Variants in SV2B observed in about 807,000 individuals in gnomAD.
The protein encoded by SV2B is synaptic vesicle glycoprotein 2B, also known as solute carrier family 22 member B2.
Under a neutral mutation model 73.9 loss-of-function variants are expected in SV2B, and 41 were observed. The observed-to-expected ratio is 0.56, with a 90% CI of 0.43 to 0.72. The LOEUF (loss-of-function observed/expected upper bound fraction) is 0.72. SV2B is among the 30% of genes least tolerant of loss of function. SV2B has a pLI of 0.00. For missense variants in SV2B, 764 were observed against 857.8 expected (o/e 0.89, Z 1.37); for synonymous variants, 314 against 314.2 (o/e 1.00, Z 0.01).
chr15:91,178,240 GC>G (rs2044402073), intron 1 of SV2B, among the ~76,000 whole-genome samples: 1 of 151,388 alleles, frequency 6.6e-6, no homozygotes, highest in African/African-American at 2.4e-5. Flanking sequence ...CAGGGATGAA[GC>G]CCACTTGATC....
rs561511839 is a variant in SV2B at position 91,283,714 on chromosome 15, C to T, written c.1508-307C>T. Reference sequence around the variant, plus strand: ...AGTGATCCTCCTACCTCGGCCTCCTCAAGTGCTGGGATTACAGATGTGGGC... The same window carrying T: ...AGTGATCCTCCTACCTCGGCCTCCTTAAGTGCTGGGATTACAGATGTGGGC... On this transcript the variant is annotated intron_variant, in intron 10 of 12. Coordinates refer to ENST00000394232, the MANE Select transcript of SV2B (RefSeq NM_001323032.3). The surrounding 1 kb of genome is among the most constrained non-coding windows in gnomAD (Gnocchi z 4.3). Among the ~76,000 whole-genome samples the T allele has an allele frequency of 1.8e-4, 27 of 152,290 alleles. No homozygotes were observed. In the East Asian group the frequency reaches 2.1e-3, roughly 12 times the overall value.
In SV2B at chr15:91,252,341, CTT is replaced by C. The variant is rs2047520051; in HGVS notation, c.633-26_633-25del. On this transcript the variant is annotated intron_variant, in intron 3 of 12. Coordinates refer to ENST00000394232, the MANE Select transcript of SV2B (RefSeq NM_001323032.3). This position sits in a 1 kb window ranked among gnomAD's most constrained non-coding sequence, Gnocchi z 4.6. ...ACCATTTTTAGTGTATGACTTGATT[CTT>C]TCTCTCTGGCATTTTTCCTTTGCAG... 6.3e-7 allele frequency: 1 copy of C among 1,587,614 alleles called. No individual in the cohort carries two copies. The highest frequency in any genetic ancestry group is 1.7e-5 in the Admixed American group (1 of 57,548).
intron 1 of SV2B, among the ~76,000 whole-genome samples, chr15:91,149,958 G>T (rs943632608): frequency 3.3e-5 from 5 of 152,134 alleles, no homozygotes; most frequent in African/African-American, 1.2e-4. Context: ...ATGTAGCGCT[G>T]ACCCTCTGAT....
At chr15:91,266,225 C>A (rs184856853) in intron 6 of SV2B, among the ~76,000 whole-genome samples, 1 of 152,322 alleles carries the variant, frequency 6.6e-6, no homozygotes, top group East Asian at 1.9e-4. Context: ...AATAGCCAAG[C>A]TGTCTTAGAC....
intron 1 of SV2B, among the ~76,000 whole-genome samples, chr15:91,198,497 GT>G (rs2045340295): frequency 7.0e-6 from 1 of 142,406 alleles, no homozygotes; most frequent in Non-Finnish European, 1.6e-5. Context: ...GTGTGTGTGT[GT>G]AGGTGTGTGT....
At chr15:91,104,735 C>T (rs540046476) in intron 1 of SV2B, among the ~76,000 whole-genome samples, 4 of 152,194 alleles carry the variant, frequency 2.6e-5, no homozygotes, top group Non-Finnish European at 2.9e-5. Context: ...CAGGTTCAAG[C>T]GATTCTTCTG....
chr15:91,286,161 G>A (rs1280743804), intron 11 of SV2B, among the ~76,000 whole-genome samples: 1 of 152,146 alleles, frequency 6.6e-6, no homozygotes, highest in African/African-American at 2.4e-5. Flanking sequence ...TCAATCTTTA[G>A]TAAAAGGCCT....
intron 1 of SV2B, among the ~76,000 whole-genome samples, chr15:91,117,942 T>C (rs531629392): frequency 1.3e-5 from 2 of 152,258 alleles, no homozygotes; most frequent in African/African-American, 4.8e-5. Context: ...AAAAATAAAG[T>C]CTTAGACACT....
chr15:91,266,631 A>G lies in SV2B; in HGVS notation c.1058A>G (p.Gln353Arg). Residue 353 changes from glutamine (Q) to arginine (R), a missense_variant, in exon 7 of 13, where the codon CAA becomes CGA. Gln to Arg is a conservative substitution (Grantham distance 43). Transcript: ENST00000394232. ...PKQMDEFIEI[Q>R]SSTGTWYQRW... ...CAAATGGATGAATTCATTGAGATCC[A>G]AAGTTCAACAGGAACCTGGTACCAG... The G allele has an allele frequency of 6.2e-7, 1 of 1,614,226 alleles. No individual in the cohort carries two copies. Among genetic ancestry groups the G allele is most frequent in the Non-Finnish European group, 8.5e-7 (1 of 1,180,038 alleles).
In SV2B at chr15:91,239,095, G is replaced by C. The variant is rs1020558174; in HGVS notation, c.451+12381G>C. Among the ~76,000 whole-genome samples, 1 of 152,182 alleles carries C rather than the reference G, an allele frequency of 6.6e-6. No individual in the cohort carries two copies. Among genetic ancestry groups the C allele is most frequent in the Non-Finnish European group, 1.5e-5 (1 of 68,040 alleles). ...TATTAGCAGGGATGGAAGAAAGGGG[G>C]TGTGATAGAAGGTCCTGGAAATGTA... On this transcript the variant is annotated intron_variant, in intron 2 of 12. Coordinates refer to ENST00000394232, the MANE Select transcript of SV2B (RefSeq NM_001323032.3). This position sits in a 1 kb window ranked among gnomAD's most constrained non-coding sequence, Gnocchi z 5.1.
Position 91,232,685 on chromosome 15 carries a change from A to G in SV2B, c.451+5971A>G, listed in dbSNP as rs1025533218. Among the ~76,000 whole-genome samples the G allele has an allele frequency of 3.9e-5, 6 of 152,338 alleles. No homozygotes were observed. The South Asian group carries it at 8.3e-4, about 21-fold the overall frequency. ...TTGTTTGAGTGTGACATATTGTTATAGCAGTAGTTCCTTTTGAATTTTTCA... is the reference window on the plus strand; with the variant it reads ...TTGTTTGAGTGTGACATATTGTTATGGCAGTAGTTCCTTTTGAATTTTTCA... On this transcript the variant is annotated intron_variant, in intron 2 of 12. Transcript: ENST00000394232. This position sits in a 1 kb window ranked among gnomAD's most constrained non-coding sequence, Gnocchi z 4.7.
intron 1 of SV2B, among the ~76,000 whole-genome samples, chr15:91,107,886 A>G (rs764109314): frequency 1.3e-5 from 2 of 152,146 alleles, no homozygotes; most frequent in Non-Finnish European, 2.9e-5. Flanking sequence ...GTGGGATTAT[A>G]GGTGTGAGTC....
chr15:91,176,571 A>G (rs982879124), intron 1 of SV2B, among the ~76,000 whole-genome samples: 1 of 152,036 alleles, frequency 6.6e-6, no homozygotes, highest in Non-Finnish European at 1.5e-5. Flanking sequence ...TGACTTTTTA[A>G]TGATCGCCAT....
At chr15:91,272,026 CT>C in intron 9 of SV2B, among the ~76,000 whole-genome samples, 1 of 152,272 alleles carries the variant, frequency 6.6e-6, no homozygotes, top group South Asian at 2.1e-4. Context: ...CTATTGAAAC[CT>C]CAGTTTCATC....
At chr15:91,181,884 G>A (rs2044592498) in intron 1 of SV2B, among the ~76,000 whole-genome samples, 1 of 151,958 alleles carries the variant, frequency 6.6e-6, no homozygotes, top group African/African-American at 2.4e-5. Flanking sequence ...AAACTGAATT[G>A]TATGTCTATG....
At position 91,105,176 on chromosome 15, in the gene SV2B, G is replaced by C. The variant is rs1257962624; in HGVS notation, c.-392+4813G>C. The stretch of plus-strand genomic sequence containing the variant: ...CTCATGAAGCATTCATTCTAGTTGA[G>C]GGAGACAAATAATATGTAAGTAAAT... On this transcript the variant is annotated intron_variant, in intron 1 of 12. Transcript: ENST00000394232. The surrounding 1 kb of genome is among the most constrained non-coding windows in gnomAD (Gnocchi z 5.5). 6.6e-6 allele frequency among the ~76,000 whole-genome samples: 1 copy of C among 152,200 alleles called. No individual in the cohort carries two copies. The highest frequency in any genetic ancestry group is 2.4e-5 in the African/African-American group (1 of 41,444).
rs141705230 is a variant in SV2B, at chr15:91,128,303, G to C, written c.-392+27940G>C. Among the ~76,000 whole-genome samples the C allele has an allele frequency of 2.6e-5, 4 of 152,298 alleles. No homozygotes were observed. Among genetic ancestry groups the C allele is most frequent in the African/African-American group, 9.6e-5 (4 of 41,568 alleles). On this transcript the variant is annotated intron_variant, in intron 1 of 12. Coordinates refer to ENST00000394232, the MANE Select transcript of SV2B (RefSeq NM_001323032.3). The surrounding 1 kb of genome is among the most constrained non-coding windows in gnomAD (Gnocchi z 4.2). ...CAGGAGGAGGTGTCAGAATGTAAAA[G>C]CTGTTCTGTTCTTTCCTTGACAATT...
chr15:91,168,156 C>G lies in SV2B; in HGVS notation c.-391-57717C>G, dbSNP rs148090207. On this transcript the variant is annotated intron_variant, in intron 1 of 12. Transcript: ENST00000394232. ...GATTTAGAAGGTAGTTTTTGCCACG[C>G]CTTTCAATTTGTGATTGCCCTCACA... 3.2e-3 allele frequency among the ~76,000 whole-genome samples: 486 copies of G among 152,222 alleles called. 3 individuals carry two copies. The highest frequency in any genetic ancestry group is 0.011 in the African/African-American group (466 of 41,536).
chr15:91,103,691 G>A (rs959174415), intron 1 of SV2B, among the ~76,000 whole-genome samples: 11 of 152,190 alleles, frequency 7.2e-5, no homozygotes, highest in Admixed American at 2.6e-4. Flanking sequence ...TCCATGGCCA[G>A]AAATGGGGCT....
Sources: gnomAD v4.1 joint callset for allele counts (sites outside exome capture counted in the v4.1 genomes callset) on GRCh38, gnomAD v4.1.1 for gene constraint, Gnocchi (gnomAD v3.1) non-coding constraint, MANE v1.5 for transcripts, NCBI Gene and HGNC (gene_info 2026-07-23, HGNC 2026-07-21) for gene names.